DENND11: variants seen among roughly 807,000 people sequenced by gnomAD.
DENND11 encodes DENN domain-containing protein 11.
Under a neutral mutation model 49.2 loss-of-function variants are expected in DENND11, and 34 were observed. That is an observed-to-expected ratio of 0.69 (90% confidence interval 0.53 to 0.92). DENND11 has a LOEUF of 0.92. DENND11 is among the 40% of genes least tolerant of loss of function. DENND11 has a pLI of 0.00. For synonymous variants in DENND11, 238 were observed against 230.3 expected, an observed-to-expected ratio of 1.03 and a Z score of -0.30; for missense variants, 475 against 581.6, an observed-to-expected ratio of 0.82 and a Z score of 1.88.
rs541347838 is a variant in DENND11, at chr7:141,657,128, G to C, written c.*5528C>G. ...TTTTTACATTTAAGGCGACAGGGAG[G>C]CTATGCTGATTCTAACTCAGAAAGA... On this transcript the variant is annotated 3_prime_UTR_variant, in exon 9 of 9. Coordinates refer to ENST00000536163, the MANE Select transcript of DENND11 (RefSeq NM_001080392.2). 6.5e-6 allele frequency: 1 copy of C among 152,700 alleles called. No homozygotes were observed. The highest frequency in any genetic ancestry group is 2.4e-5 in the African/African-American group (1 of 41,558). The allele number at this position is 152,700 out of a possible 1,614,324, so 9.5% of individuals were successfully genotyped here. A position where few individuals can be genotyped will look rare whatever the true frequency, so the allele number is the denominator to read the frequency against.
At chr7:141,664,048 TA>T in intron 8 of DENND11, 123 bp downstream of exon 8, 1 of 782,726 alleles carries the variant, frequency 1.3e-6, no homozygotes. Context: ...AGCCCGGCTC[TA>T]AGTGCCCTTG....
intron 1 of DENND11, among the ~76,000 whole-genome samples, chr7:141,697,497 A>ACGT (rs1471236645): frequency 6.6e-6 from 1 of 152,186 alleles, no homozygotes; most frequent in East Asian, 1.9e-4. Context: ...TTCCTGCGAG[A>ACGT]CGTTCTGGCC....
At chr7:141,675,602 G>A (rs188115525) in intron 3 of DENND11, among the ~76,000 whole-genome samples, 11 of 152,186 alleles carry the variant, frequency 7.2e-5, no homozygotes, top group South Asian at 2.1e-4. Flanking sequence ...GGCACTCCCC[G>A]CTGCCACACC....
chr7:141,670,635 C>T (rs1797966253), intron 4 of DENND11, among the ~76,000 whole-genome samples: 2 of 152,168 alleles, frequency 1.3e-5, no homozygotes, highest in African/African-American at 4.8e-5. Flanking sequence ...TCAAGAAGCT[C>T]CTTAAGACTT....
Position 141,662,677 on chromosome 7 carries a change from G to T in DENND11, c.1347C>A (p.Ile449=), listed in dbSNP as rs769576019. ...CCTCCTACGGGCAACAGGGGTTGTC[G>T]ATAACCAGCATGACATCAATGCCAT... ...EAYGIDVMLV[I]DNPCCP Residue 449 remains isoleucine, a synonymous_variant, in exon 9 of 9, where the codon ATC becomes ATA. Coordinates refer to ENST00000536163, the MANE Select transcript of DENND11 (RefSeq NM_001080392.2). 6.3e-7 allele frequency: 1 copy of T among 1,597,716 alleles called. No homozygotes were observed. The highest frequency in any genetic ancestry group is 1.3e-5 in the African/African-American group (1 of 74,158).
At chr7:141,664,050 A>C in intron 8 of DENND11, 122 bp downstream of exon 8, 1 of 791,310 alleles carries the variant, frequency 1.3e-6, no homozygotes, top group South Asian at 2.1e-5. Flanking sequence ...CCCGGCTCTA[A>C]GTGCCCTTGG....
chr7:141,691,796 T>A (rs1401024241), intron 1 of DENND11, among the ~76,000 whole-genome samples: 2 of 152,246 alleles, frequency 1.3e-5, no homozygotes, highest in African/African-American at 2.4e-5. Context: ...ATGATAATCA[T>A]GTCTTTGACG....
Position 141,658,338 on chromosome 7 carries a change from C to T in DENND11, c.*4318G>A, listed in dbSNP as rs566346341. 1 of 152,286 alleles carries T rather than the reference C, an allele frequency of 6.6e-6. No individual in the cohort carries two copies. The highest frequency in any genetic ancestry group is 2.4e-5 in the African/African-American group (1 of 41,558). The allele number at this position is 152,286 out of a possible 1,614,324, so 9.4% of individuals were successfully genotyped here. ...GTGATAAAAATGGAATATTAAAAAT[C>T]CATGACTTGGGAGTAAACGGAGCCC... On this transcript the variant is annotated 3_prime_UTR_variant, in exon 9 of 9. Transcript: ENST00000536163.
chr7:141,679,260 C>T (rs969762489), intron 3 of DENND11, among the ~76,000 whole-genome samples: 3 of 152,072 alleles, frequency 2.0e-5, no homozygotes, highest in African/African-American at 7.2e-5. Context: ...CTAGCTATGA[C>T]TCAAAATCTA....
Position 141,657,576 on chromosome 7 carries a change from T to C in DENND11, c.*5080A>G, listed in dbSNP as rs1469044466. ...CATCCCCACATTCGCTGACTGGCCT[T>C]AGAAAGCAAAGTAAATTTATTGTTA... is the stretch of plus-strand genomic sequence containing the variant. On this transcript the variant is annotated 3_prime_UTR_variant, in exon 9 of 9. Transcript: ENST00000536163. 2 of 152,438 alleles carry C rather than the reference T, an allele frequency of 1.3e-5. No homozygotes were observed. The highest frequency in any genetic ancestry group is 4.8e-5 in the African/African-American group (2 of 41,448). 9.4% of individuals were successfully genotyped at this position (152,438 alleles called of 1,614,324 possible).
chr7:141,673,005 T>A (rs760902938), intron 4 of DENND11, among the ~76,000 whole-genome samples: 7 of 152,216 alleles, frequency 4.6e-5, no homozygotes, highest in Non-Finnish European at 8.8e-5. Context: ...ACTTCCCTCA[T>A]GCCAGCTGAC....
At chr7:141,672,609 C>T (rs1462428685) in intron 4 of DENND11, among the ~76,000 whole-genome samples, 1 of 152,198 alleles carries the variant, frequency 6.6e-6, no homozygotes, top group Non-Finnish European at 1.5e-5. Flanking sequence ...AGCCCCTAAC[C>T]CTGGCTGAAA....
intron 3 of DENND11, 138 bp from the exon 4 acceptor site, chr7:141,674,358 A>C: frequency 7.3e-7 from 1 of 1,372,652 alleles, no homozygotes; most frequent in African/African-American, 1.5e-5. Flanking sequence ...CATACTCCAA[A>C]GATCCCCATT....
At chr7:141,687,989 C>T (rs1798271476) in intron 1 of DENND11, among the ~76,000 whole-genome samples, 2 of 152,022 alleles carry the variant, frequency 1.3e-5, no homozygotes, top group Admixed American at 1.3e-4. Flanking sequence ...CCAAGTTGCC[C>T]AGGCTGGTCT....
chr7:141,689,758 A>G lies in DENND11; in HGVS notation c.269-3100T>C, dbSNP rs115516715. Among the ~76,000 whole-genome samples, 342 of 152,264 alleles carry G rather than the reference A, an allele frequency of 2.2e-3. 2 individuals carry two copies. The highest frequency in any genetic ancestry group is 8.0e-3 in the African/African-American group (333 of 41,560). Reference sequence around the variant, plus strand: ...AGCTCCAAGTCATTAACCCTCTCTCATGAATTAGCTTAGCCTCTTCTGAGT... The same window carrying G: ...AGCTCCAAGTCATTAACCCTCTCTCGTGAATTAGCTTAGCCTCTTCTGAGT... On this transcript the variant is annotated intron_variant, in intron 1 of 8. Transcript: ENST00000536163.
At chr7:141,697,552 A>G (rs1408628503) in intron 1 of DENND11, among the ~76,000 whole-genome samples, 3 of 152,222 alleles carry the variant, frequency 2.0e-5, no homozygotes, top group East Asian at 1.9e-4. Flanking sequence ...TGAGCTGTCC[A>G]TGCTTACGAC....
At chr7:141,688,836 A>G (rs1343561132) in intron 1 of DENND11, among the ~76,000 whole-genome samples, 1 of 152,216 alleles carries the variant, frequency 6.6e-6, no homozygotes, top group Non-Finnish European at 1.5e-5. Flanking sequence ...CATGCCAGCA[A>G]TAAGAGCCCC....
intron 1 of DENND11, among the ~76,000 whole-genome samples, chr7:141,700,400 C>A (rs1200481383): frequency 6.8e-6 from 1 of 147,790 alleles, no homozygotes; most frequent in Non-Finnish European, 1.5e-5. Flanking sequence ...AGTCAACCAG[C>A]ATGTGTGATG....
Position 141,662,759 on chromosome 7 carries a change from C to T in DENND11, c.1265G>A (p.Gly422Asp), listed in dbSNP as rs369386094. Residue 422 changes from glycine to aspartate, a missense_variant, in exon 9 of 9, where the codon GGC becomes GAC. Gly to Asp is a moderately conservative substitution (Grantham distance 94). Transcript: ENST00000536163. Reference protein sequence around the residue: ...DKTLTAEHARGMGLDPQGDRS... With the variant: ...DKTLTAEHARDMGLDPQGDRS... ...GTCTCCTTGGGGGTCTAGGCCCATG[C>T]CCCGGGCATGCTCTGCTGTCAGAGT... The T allele has an allele frequency of 3.9e-5, 62 of 1,610,132 alleles. No individual in the cohort carries two copies. In the Admixed American group the frequency reaches 8.4e-4, roughly 22 times the overall value.
Sources: allele counts gnomAD v4.1 joint callset (sites outside exome capture counted in the v4.1 genomes callset), GRCh38; gene constraint gnomAD v4.1.1; transcripts MANE v1.5; gene names NCBI Gene and HGNC (gene_info 2026-07-23, HGNC 2026-07-21).